SIL1: variants seen among roughly 807,000 people sequenced by gnomAD.
SIL1 encodes nucleotide exchange factor SIL1.
SIL1 carries 40 observed loss-of-function variants against 49.1 expected under a neutral mutation model. The ratio of observed to expected loss-of-function variants is 0.81; its 90% CI spans 0.63 to 1.06. SIL1 has a LOEUF of 1.06. Ranked by LOEUF, SIL1 falls within the 50% of genes least tolerant of loss-of-function variation. The pLI is 0.00. For missense variants in SIL1, 500 were observed against 572.6 expected (o/e 0.87, Z 1.29); for synonymous variants, 253 against 250.8 (o/e 1.01, Z -0.08).
rs1750627451 is a variant in SIL1, at chr5:139,121,170, CCTT to C, written c.106_108del (p.Lys36del). 6.2e-7 allele frequency: 1 copy of C among 1,614,036 alleles called. No homozygotes were observed. Among genetic ancestry groups the C allele is most frequent in the South Asian group, 1.1e-5 (1 of 91,074 alleles). On this transcript the variant is annotated inframe_deletion and splice_region_variant, in exon 3 of 10. Transcript: ENST00000394817. ...TTCTCTGGGTTGGTCAGGGCAAACT[CCTT>C]CTGAGAAAAGAAAACACAGGGCATG...
chr5:139,027,076 C>CA (rs1477473109), intron 5 of SIL1, 84 bp from the exon 6 acceptor site: 46 of 1,262,342 alleles, frequency 3.6e-5, no homozygotes, highest in Non-Finnish European at 5.3e-5. Flanking sequence ...TGCCCATCCT[C>CA]AAAAAACTGC....
At chr5:139,112,487 C>T (rs1199532409) in intron 3 of SIL1, among the ~76,000 whole-genome samples, 8 of 151,972 alleles carry the variant, frequency 5.3e-5, no homozygotes, top group African/African-American at 1.7e-4. Flanking sequence ...AGCGCCTCTG[C>T]CCGGCCGCGA....
At position 138,975,475 on chromosome 5, in the gene SIL1, T is replaced by C. The variant is rs557086953; in HGVS notation, c.768-23591A>G. Among the ~76,000 whole-genome samples, 11 of 152,306 alleles carry C rather than the reference T, an allele frequency of 7.2e-5. No homozygotes were observed. The East Asian group carries it at 1.5e-3, about 21-fold the overall frequency. On this transcript the variant is annotated intron_variant, in intron 7 of 9. Coordinates refer to ENST00000394817, the MANE Select transcript of SIL1 (RefSeq NM_022464.5). ...GACAAGGGTCCATGAGGTGACTGAC[T>C]GTCCCTGCATGTGTGGGGTCTCCTT... is the stretch of plus-strand genomic sequence containing the variant.
chr5:139,094,800 T>C (rs932383165), intron 3 of SIL1, among the ~76,000 whole-genome samples: 10 of 152,234 alleles, frequency 6.6e-5, no homozygotes, highest in African/African-American at 2.4e-4. Context: ...CCTCTTCCTG[T>C]TCCAGCATCC....
At chr5:139,085,488 G>C (rs963659241) in intron 3 of SIL1, among the ~76,000 whole-genome samples, 2 of 152,144 alleles carry the variant, frequency 1.3e-5, no homozygotes, top group African/African-American at 2.4e-5. Context: ...GGGAGCTGTT[G>C]GCATGGCTTT....
intron 5 of SIL1, among the ~76,000 whole-genome samples, chr5:139,033,571 A>G (rs201532066): frequency 6.6e-6 from 1 of 151,694 alleles, no homozygotes; most frequent in African/African-American, 2.4e-5. Flanking sequence ...TAATCAGTTC[A>G]ATGTATCTTT....
In SIL1 at chr5:138,946,978, C is replaced by T; in HGVS notation, c.*139G>A. The T allele has an allele frequency of 1.4e-6, 1 of 728,808 alleles. No individual in the cohort carries two copies. Among genetic ancestry groups the T allele is most frequent in the Non-Finnish European group, 2.5e-6 (1 of 407,588 alleles). The allele number at this position is 728,808 out of a possible 1,614,324, so 45.1% of individuals were successfully genotyped here. On this transcript the variant is annotated 3_prime_UTR_variant, in exon 10 of 10. Coordinates refer to ENST00000394817, the MANE Select transcript of SIL1 (RefSeq NM_022464.5). ...GTGCCCAGTCTACACAGACACACAG[C>T]AGAAAGAGGATGGCCTTCAGGTTTC...
intron 1 of SIL1, among the ~76,000 whole-genome samples, chr5:139,185,540 T>C (rs1752063551): frequency 6.6e-6 from 1 of 152,222 alleles, no homozygotes; most frequent in South Asian, 2.1e-4. Flanking sequence ...AAGTCACAGT[T>C]TCCAAGAACT....
chr5:138,955,617 C>T (rs1025544513), intron 7 of SIL1, among the ~76,000 whole-genome samples: 1 of 152,146 alleles, frequency 6.6e-6, no homozygotes, highest in Non-Finnish European at 1.5e-5. Context: ...GCCAGGGGGC[C>T]CAGGAGATTG....
chr5:139,140,041 C>G (rs752533568), intron 1 of SIL1, among the ~76,000 whole-genome samples: 1 of 151,934 alleles, frequency 6.6e-6, no homozygotes, highest in East Asian at 1.9e-4. Context: ...GAGGCCGAGG[C>G]AGGTGGATCA....
At chr5:139,021,689 G>C (rs1768532068) in intron 6 of SIL1, 5 of 290,036 alleles carry the variant, frequency 1.7e-5, no homozygotes, top group South Asian at 7.3e-5. Flanking sequence ...AATCCCAATG[G>C]GGACAGTGGA....
intron 7 of SIL1, among the ~76,000 whole-genome samples, chr5:138,971,240 T>C (rs1022082555): frequency 6.6e-6 from 1 of 152,076 alleles, no homozygotes; most frequent in African/African-American, 2.4e-5. Context: ...CAGGCCAAGA[T>C]ACTAGATGAT....
intron 7 of SIL1, among the ~76,000 whole-genome samples, chr5:139,005,485 G>T: frequency 7.1e-6 from 1 of 140,822 alleles, no homozygotes; most frequent in Non-Finnish European, 1.5e-5. Flanking sequence ...AAGTTTTAGG[G>T]TACATGTGCA....
At chr5:139,036,974 T>C (rs953520627) in intron 5 of SIL1, among the ~76,000 whole-genome samples, 2 of 152,180 alleles carry the variant, frequency 1.3e-5, no homozygotes, top group African/African-American at 4.8e-5. Context: ...TATTATTCTT[T>C]TTTCATTCTA....
chr5:139,137,037 C>T (rs555774808), intron 1 of SIL1, among the ~76,000 whole-genome samples: 7 of 152,276 alleles, frequency 4.6e-5, no homozygotes, highest in East Asian at 3.9e-4. Context: ...TCAGACTGCC[C>T]GGAGGCTTTA....
chr5:139,197,287 A>C (rs1343180734), intron 1 of SIL1, among the ~76,000 whole-genome samples: 2 of 151,692 alleles, frequency 1.3e-5, no homozygotes, highest in Non-Finnish European at 2.9e-5. Context: ...AAAAAAAAAA[A>C]AAAAACTGTT....
At chr5:139,089,586 A>G (rs1213388134) in intron 3 of SIL1, among the ~76,000 whole-genome samples, 3 of 152,242 alleles carry the variant, frequency 2.0e-5, no homozygotes, top group Admixed American at 6.5e-5. Context: ...TGTCCATACA[A>G]TGGTATCTCC....
At chr5:139,054,694 G>A (rs1157184490) in intron 3 of SIL1, among the ~76,000 whole-genome samples, 2 of 152,186 alleles carry the variant, frequency 1.3e-5, no homozygotes, top group African/African-American at 4.8e-5. Flanking sequence ...ATAGGTTATA[G>A]TGTGCTAAGC....
At chr5:139,003,622 C>T (rs1290911597) in intron 7 of SIL1, among the ~76,000 whole-genome samples, 2 of 152,140 alleles carry the variant, frequency 1.3e-5, no homozygotes, top group African/African-American at 2.4e-5. Flanking sequence ...GATGATGTCT[C>T]CTGTATCATT....
Sources: gnomAD v4.1 joint callset for allele counts (sites outside exome capture counted in the v4.1 genomes callset) on GRCh38, gnomAD v4.1.1 for gene constraint, MANE v1.5 for transcripts, NCBI Gene and HGNC (gene_info 2026-07-23, HGNC 2026-07-21) for gene names.